The following FBXL4 variants were observed in gnomAD, a reference collection of about 807,000 sequenced individuals.
FBXL4 encodes the protein F-box/LRR-repeat protein 4.
FBXL4 carries 40 observed loss-of-function variants against 58.9 expected under a neutral mutation model. The ratio of observed to expected loss-of-function variants is 0.68; its 90% CI spans 0.53 to 0.88. FBXL4 has a LOEUF of 0.88. FBXL4 is among the 40% of genes least tolerant of loss of function. The pLI is 0.00. For missense variants in FBXL4, 676 were observed against 734.4 expected, an observed-to-expected ratio of 0.92 and a Z score of 0.92; for synonymous variants, 263 against 265.5, an observed-to-expected ratio of 0.99 and a Z score of 0.09.
intron 2 of FBXL4, among the ~76,000 whole-genome samples, chr6:98,928,397 C>T (rs565391839): frequency 1.3e-4 from 19 of 151,912 alleles, no homozygotes; most frequent in Middle Eastern, 3.4e-3. Flanking sequence ...GGCGCAATCT[C>T]GGCTCACTGT....
At position 98,870,761 on chromosome 6, in the gene FBXL4, C is replaced by T. The variant is rs1343210155; in HGVS notation, c.*3517G>A. 6.6e-6 allele frequency: 1 copy of T among 152,046 alleles called. No homozygotes were observed. Among genetic ancestry groups the T allele is most frequent in the Non-Finnish European group, 1.5e-5 (1 of 68,024 alleles). 9.4% of individuals were successfully genotyped at this position (152,046 alleles called of 1,614,324 possible). A position where few individuals can be genotyped will look rare whatever the true frequency, so the allele number is the denominator to read the frequency against. ...ATGTCAGAGTATGATGTTTAATATG[C>T]AATGTCATTATAGCTGTTCTTAAAG... On this transcript the variant is annotated 3_prime_UTR_variant, in exon 10 of 10. Transcript: ENST00000369244.
intron 5 of FBXL4, among the ~76,000 whole-genome samples, chr6:98,910,694 G>C (rs1011893002): frequency 2.0e-5 from 3 of 151,978 alleles, no homozygotes; most frequent in Non-Finnish European, 4.4e-5. Flanking sequence ...TGTGGGGGGA[G>C]GAGCCAAGAT....
chr6:98,933,536 A>G (rs1773092086), intron 2 of FBXL4, among the ~76,000 whole-genome samples: 2 of 152,052 alleles, frequency 1.3e-5, no homozygotes, highest in Non-Finnish European at 2.9e-5. Flanking sequence ...CTCTCTTCCA[A>G]TGCTTGGCAC....
At chr6:98,910,803 C>T (rs1772017763) in intron 5 of FBXL4, among the ~76,000 whole-genome samples, 1 of 152,198 alleles carries the variant, frequency 6.6e-6, no homozygotes, top group Admixed American at 6.5e-5. Context: ...GTTCATCTCA[C>T]CAGGGAGTGC....
intron 7 of FBXL4, among the ~76,000 whole-genome samples, chr6:98,882,704 TTTA>T (rs1326567750): frequency 6.6e-6 from 1 of 152,062 alleles, no homozygotes; most frequent in African/African-American, 2.4e-5. Flanking sequence ...AGAGGTAACC[TTTA>T]TTATGACTTG....
chr6:98,934,141 A>G (rs1188952632), intron 2 of FBXL4, among the ~76,000 whole-genome samples: 1 of 152,190 alleles, frequency 6.6e-6, no homozygotes, highest in African/African-American at 2.4e-5. Flanking sequence ...AGATTCATGA[A>G]AGAGATGATT....
intron 8 of FBXL4, among the ~76,000 whole-genome samples, chr6:98,879,007 G>C (rs1241517539): frequency 6.6e-6 from 1 of 152,122 alleles, no homozygotes; most frequent in Non-Finnish European, 1.5e-5. Context: ...CCCATACTTA[G>C]GGTTTAATAA....
At chr6:98,915,173 T>C (rs1772286297) in intron 5 of FBXL4, among the ~76,000 whole-genome samples, 1 of 151,758 alleles carries the variant, frequency 6.6e-6, no homozygotes, top group Admixed American at 6.6e-5. Context: ...TAAAAGAGGA[T>C]ACAAACAAAT....
Position 98,874,240 on chromosome 6 carries a change from A to G in FBXL4, c.*38T>C. ...AAACCAATCCCAAAATTAAACCCCA[A>G]CAAAGCACATTAATTTTAATACAGA... On this transcript the variant is annotated 3_prime_UTR_variant, in exon 10 of 10. Coordinates refer to ENST00000369244, the MANE Select transcript of FBXL4 (RefSeq NM_001278716.2). 1 of 1,471,528 alleles carries G rather than the reference A, an allele frequency of 6.8e-7. No homozygotes were observed. Among genetic ancestry groups the G allele is most frequent in the South Asian group, 1.5e-5 (1 of 65,974 alleles). The allele number at this position is 1,471,528 out of a possible 1,614,324, so 91.2% of individuals were successfully genotyped here.
At chr6:98,922,596 A>G (rs13192500) in intron 4 of FBXL4, among the ~76,000 whole-genome samples, 7,534 of 152,286 alleles carry the variant, frequency 0.049, 256 homozygotes, top group Middle Eastern at 0.12. Flanking sequence ...CATTGAAAGA[A>G]ATCTTTATTC....
At chr6:98,914,404 G>A (rs1772240919) in intron 5 of FBXL4, among the ~76,000 whole-genome samples, 1 of 152,110 alleles carries the variant, frequency 6.6e-6, no homozygotes, top group South Asian at 2.1e-4. Flanking sequence ...GAACATTGAT[G>A]CAAAAAAATC....
intron 7 of FBXL4, among the ~76,000 whole-genome samples, chr6:98,884,036 T>C (rs1279542003): frequency 1.3e-5 from 2 of 152,032 alleles, no homozygotes; most frequent in Non-Finnish European, 2.9e-5. Context: ...TTTTTTTATA[T>C]CTGATACTTC....
chr6:98,881,026 A>G (rs1582368596), intron 7 of FBXL4, among the ~76,000 whole-genome samples: 3 of 152,014 alleles, frequency 2.0e-5, no homozygotes. Flanking sequence ...GGCTGGTGAC[A>G]CTCCTGAAGA....
intron 1 of FBXL4, among the ~76,000 whole-genome samples, chr6:98,947,355 G>A (rs949179906): frequency 6.6e-6 from 1 of 152,214 alleles, no homozygotes; most frequent in Non-Finnish European, 1.5e-5. Context: ...AAGAAAACAG[G>A]CCTGGTTAGG....
intron 2 of FBXL4, among the ~76,000 whole-genome samples, chr6:98,932,951 A>G (rs1176933268): frequency 1.3e-5 from 2 of 151,988 alleles, no homozygotes; most frequent in African/African-American, 4.8e-5. Context: ...TTTGCTACAT[A>G]GTACCAAAAT....
chr6:98,906,096 C>G (rs1771798899), intron 5 of FBXL4, among the ~76,000 whole-genome samples: 1 of 150,894 alleles, frequency 6.6e-6, no homozygotes, highest in East Asian at 1.9e-4. Context: ...AAAAGATACA[C>G]AGAATGCTAC....
At chr6:98,907,172 G>C (rs1045881428) in intron 5 of FBXL4, among the ~76,000 whole-genome samples, 1 of 152,160 alleles carries the variant, frequency 6.6e-6, no homozygotes, top group Admixed American at 6.5e-5. Flanking sequence ...CAAAGAGTCA[G>C]GGGCAAACCA....
At chr6:98,898,780 G>T (rs1259429162) in intron 7 of FBXL4, 1 of 985,130 alleles carries the variant, frequency 1.0e-6, no homozygotes, top group Non-Finnish European at 1.2e-6. Context: ...CTGGAAACAT[G>T]TCCTAGAGAT....
chr6:98,918,063 T>C (rs1582426349), intron 4 of FBXL4, among the ~76,000 whole-genome samples: 1 of 152,190 alleles, frequency 6.6e-6, no homozygotes, highest in Admixed American at 6.5e-5. Context: ...GCTCCCTGTG[T>C]GCATGGCTTA....
Sources: gnomAD v4.1 joint callset for allele counts (sites outside exome capture counted in the v4.1 genomes callset) on GRCh38, gnomAD v4.1.1 for gene constraint, MANE v1.5 for transcripts, NCBI Gene and HGNC (gene_info 2026-07-23, HGNC 2026-07-21) for gene names.